Variants in MYO1D observed in about 807,000 individuals in gnomAD.
The protein encoded by MYO1D is myosin ID.
A neutral mutation model predicts 122.0 loss-of-function variants in MYO1D; 83 were observed. That is an observed-to-expected ratio of 0.68 (90% CI 0.57 to 0.82). The LOEUF (loss-of-function observed/expected upper bound fraction) is 0.82, where lower values mean the gene tolerates loss of function less well. Ranked by LOEUF, MYO1D falls within the 40% of genes least tolerant of loss-of-function variation. MYO1D has a pLI of 0.00. For synonymous variants in MYO1D, 464 were observed against 446.9 expected (o/e 1.04, Z -0.48); for missense variants, 1,157 against 1,269.5 (o/e 0.91, Z 1.35).
chr17:32,692,188 TTC>T (rs1486339068), intron 16 of MYO1D, among the ~76,000 whole-genome samples: 3 of 152,220 alleles, frequency 2.0e-5, no homozygotes, highest in Non-Finnish European at 2.9e-5. Context: ...TTCATAAACT[TTC>T]TGTTTTAGGT....
intron 16 of MYO1D, among the ~76,000 whole-genome samples, chr17:32,694,460 G>A (rs191224332): frequency 1.3e-5 from 2 of 152,186 alleles, no homozygotes; most frequent in Admixed American, 6.5e-5. Flanking sequence ...CCAGCACTTT[G>A]GGAGGTCGAG....
At chr17:32,505,372 T>C (rs914854712) in intron 21 of MYO1D, 2 of 152,218 alleles carry the variant, frequency 1.3e-5, no homozygotes, top group Non-Finnish European at 1.5e-5. Context: ...AGACAGAGGA[T>C]TTAAAATCCA....
chr17:32,854,582 T>C (rs756890328), intron 1 of MYO1D, among the ~76,000 whole-genome samples: 8 of 152,220 alleles, frequency 5.3e-5, no homozygotes, highest in Non-Finnish European at 5.9e-5. Flanking sequence ...TGGTGACAGA[T>C]TTAATTTTAT....
chr17:32,683,741 T>G (rs375519042), intron 16 of MYO1D, among the ~76,000 whole-genome samples: 70 of 152,266 alleles, frequency 4.6e-4, no homozygotes, highest in African/African-American at 1.5e-3. Flanking sequence ...GAGCCTACAG[T>G]GGCAGGCAGG....
chr17:32,840,357 G>A (rs1016413332), intron 1 of MYO1D, among the ~76,000 whole-genome samples: 1 of 151,942 alleles, frequency 6.6e-6, no homozygotes, highest in Non-Finnish European at 1.5e-5. Flanking sequence ...TCTCAACGTG[G>A]GAGTGATTTA....
At chr17:32,536,634 C>A (rs1276277081) in intron 21 of MYO1D, among the ~76,000 whole-genome samples, 1 of 152,042 alleles carries the variant, frequency 6.6e-6, no homozygotes, top group Non-Finnish European at 1.5e-5. Flanking sequence ...TAATTAGTTT[C>A]CCAGAATTAG....
chr17:32,796,205 C>G (rs1226833778), intron 1 of MYO1D, among the ~76,000 whole-genome samples: 1 of 152,062 alleles, frequency 6.6e-6, no homozygotes, highest in Non-Finnish European at 1.5e-5. Context: ...ATTATGGTAA[C>G]ATTTGGCTAC....
chr17:32,827,592 AAATT>A (rs1443853521), intron 1 of MYO1D, among the ~76,000 whole-genome samples: 1 of 152,260 alleles, frequency 6.6e-6, no homozygotes, highest in Non-Finnish European at 1.5e-5. Context: ...TACAATAAAA[AAATT>A]AATAAGCATT....
intron 3 of MYO1D, among the ~76,000 whole-genome samples, chr17:32,777,919 G>A (rs2090194011): frequency 1.3e-5 from 2 of 152,112 alleles, no homozygotes; most frequent in Non-Finnish European, 2.9e-5. Context: ...GGGCCACAGA[G>A]CGAGACTCCA....
At chr17:32,726,909 G>T (rs1001696100) in intron 14 of MYO1D, among the ~76,000 whole-genome samples, 1 of 151,972 alleles carries the variant, frequency 6.6e-6, no homozygotes, top group African/African-American at 2.4e-5. Context: ...AAGGTAAATG[G>T]AATTAAATTG....
chr17:32,560,916 CT>C (rs575644563), intron 21 of MYO1D, among the ~76,000 whole-genome samples: 16,217 of 132,128 alleles, frequency 0.12, 864 homozygotes, highest in Middle Eastern at 0.18. Flanking sequence ...CTATGCGTGG[CT>C]TTTTTTTTTT....
chr17:32,798,885 T>A, intron 1 of MYO1D, among the ~76,000 whole-genome samples: 1 of 152,222 alleles, frequency 6.6e-6, no homozygotes, highest in East Asian at 1.9e-4. Context: ...TCTTTTTATT[T>A]ATACTTATTT....
intron 21 of MYO1D, among the ~76,000 whole-genome samples, chr17:32,565,272 G>A (rs1324668679): frequency 6.6e-6 from 1 of 152,212 alleles, no homozygotes; most frequent in African/African-American, 2.4e-5. Flanking sequence ...CCAAAGTGCT[G>A]GGATTATAGG....
chr17:32,718,938 A>G lies in MYO1D; in HGVS notation c.1913+2085T>C, dbSNP rs2089477897. 2.6e-5 allele frequency among the ~76,000 whole-genome samples: 4 copies of G among 151,914 alleles called. 1 individual carries two copies. In the South Asian group the frequency reaches 8.3e-4, roughly 32 times the overall value. Reference sequence around the variant, plus strand: ...TTTGCAGCCTAAACTTCTTTCCAGAACTCCAGGTATGAAAGTCTAATGGCT... The same window carrying G: ...TTTGCAGCCTAAACTTCTTTCCAGAGCTCCAGGTATGAAAGTCTAATGGCT... On this transcript the variant is annotated intron_variant, in intron 15 of 21. Transcript: ENST00000318217.
At chr17:32,583,716 G>A (rs569275142) in intron 21 of MYO1D, among the ~76,000 whole-genome samples, 5 of 151,520 alleles carry the variant, frequency 3.3e-5, no homozygotes, top group South Asian at 4.2e-4. Context: ...CTAAAAGTTC[G>A]ATTTGAGTCT....
chr17:32,539,786 T>C (rs1050859779), intron 21 of MYO1D, among the ~76,000 whole-genome samples: 49 of 152,234 alleles, frequency 3.2e-4, no homozygotes, highest in African/African-American at 1.1e-3. Flanking sequence ...TTCTAGGGAT[T>C]AGAACATGAA....
chr17:32,764,937 T>C lies in MYO1D; in HGVS notation c.976A>G (p.Ile326Val), dbSNP rs371604378. 8 of 1,614,228 alleles carry C rather than the reference T, an allele frequency of 5.0e-6. No homozygotes were observed. Among genetic ancestry groups the C allele is most frequent in the Non-Finnish European group, 6.8e-6 (8 of 1,180,042 alleles). Residue 326 changes from isoleucine to valine, a missense_variant, in exon 8 of 22, where the codon ATC becomes GTC. Transcript: ENST00000318217. The stretch of plus-strand genomic sequence containing the variant: ...TGTTCTGTGTGCTGCTTGTCAATGA[T>C]GTCACGGCCTGTGGCCACAGTCCGG... ...LYRTVATGRDIIDKQHTEQEA... is the reference protein window; with the variant it reads ...LYRTVATGRDVIDKQHTEQEA...
At chr17:32,760,680 G>A in intron 8 of MYO1D, 53 bp from the exon 9 acceptor site, 3 of 1,544,258 alleles carry the variant, frequency 1.9e-6, no homozygotes, top group Non-Finnish European at 2.6e-6. Context: ...TGAGTCCTCT[G>A]TTTGGATTTG....
intron 21 of MYO1D, chr17:32,498,182 G>C (rs541419194): frequency 1.3e-5 from 2 of 152,346 alleles, no homozygotes; most frequent in Admixed American, 6.5e-5. Flanking sequence ...CCTGGACCAC[G>C]GATATTGATC....
Sources: allele counts gnomAD v4.1 joint callset (sites outside exome capture counted in the v4.1 genomes callset), GRCh38; gene constraint gnomAD v4.1.1; transcripts MANE v1.5; gene names NCBI Gene and HGNC (gene_info 2026-07-23, HGNC 2026-07-21).